Variants in NEBL observed in about 807,000 individuals in gnomAD.
The protein encoded by NEBL is LIM and SH3 protein 2.
In NEBL, 122 loss-of-function variants were observed where a neutral mutation model predicts 140.2. That is an observed-to-expected ratio of 0.87 (90% confidence interval 0.75 to 1.01). The LOEUF (loss-of-function observed/expected upper bound fraction) is 1.01, where lower values mean the gene tolerates loss of function less well. Among genes scored for constraint, NEBL ranks in the 50% least tolerant of loss-of-function variants. NEBL has a pLI of 0.00. For synonymous variants in NEBL, 436 were observed against 398.9 expected (o/e 1.09, Z -1.11); for missense variants, 1,365 against 1,231.3 (o/e 1.11, Z -1.62).
At chr10:20,847,460 T>C (rs1367191013) in intron 11 of NEBL, among the ~76,000 whole-genome samples, 1 of 152,200 alleles carries the variant, frequency 6.6e-6, no homozygotes, top group Admixed American at 6.5e-5. Context: ...TACAGAAACA[T>C]AGTATTTGAA....
At chr10:21,137,745 C>T (rs777866617) in intron 2 of NEBL, among the ~76,000 whole-genome samples, 2 of 151,742 alleles carry the variant, frequency 1.3e-5, no homozygotes, top group Admixed American at 6.6e-5. Flanking sequence ...CCAGCCTGGG[C>T]AACATAGTGA....
At position 20,959,790 on chromosome 10, in the gene NEBL, A is replaced by T. The variant is rs538766849; in HGVS notation, c.357+1882T>A. On this transcript the variant is annotated intron_variant, in intron 4 of 6. Coordinates refer to the NEBL transcript ENST00000417816. Reference sequence around the variant, plus strand: ...AGACATCGCAAAAAGTTTTTTTTTTAAAAAAAGATGTTGTCTAAGTTACAT... The same window carrying T: ...AGACATCGCAAAAAGTTTTTTTTTTTAAAAAAGATGTTGTCTAAGTTACAT... 1.4e-3 allele frequency among the ~76,000 whole-genome samples: 213 copies of T among 151,664 alleles called. 2 individuals are homozygous for T. The highest frequency in any genetic ancestry group is 2.3e-3 in the Non-Finnish European group (158 of 67,762).
intron 3 of NEBL, among the ~76,000 whole-genome samples, chr10:21,017,056 G>A (rs1468893794): frequency 6.6e-6 from 1 of 152,158 alleles, no homozygotes; most frequent in East Asian, 1.9e-4. Flanking sequence ...CCAGGGTACT[G>A]GTGAAAAGTG....
At chr10:21,228,404 T>G (rs1842201330) in intron 3 of NEBL, among the ~76,000 whole-genome samples, 1 of 152,188 alleles carries the variant, frequency 6.6e-6, no homozygotes, top group South Asian at 2.1e-4. Flanking sequence ...TCCTCTCGCC[T>G]CAGCCTTCCA....
chr10:20,885,305 G>A (rs1461536327), intron 4 of NEBL, among the ~76,000 whole-genome samples: 2 of 152,110 alleles, frequency 1.3e-5, no homozygotes, highest in Admixed American at 6.6e-5. Context: ...TAATAAAATC[G>A]ATGTACGTAA....
At chr10:21,006,515 T>C (rs1024125206) in intron 3 of NEBL, among the ~76,000 whole-genome samples, 2 of 152,244 alleles carry the variant, frequency 1.3e-5, no homozygotes, top group African/African-American at 2.4e-5. Context: ...CAACCAGTCC[T>C]TCTTCCCTGT....
intron 2 of NEBL, among the ~76,000 whole-genome samples, chr10:21,141,216 T>C (rs1839617778): frequency 6.6e-6 from 1 of 152,218 alleles, no homozygotes; most frequent in Non-Finnish European, 1.5e-5. Context: ...TTGTTTCATT[T>C]AGTGAAATCT....
chr10:21,153,087 G>T (rs4747433), intron 2 of NEBL, among the ~76,000 whole-genome samples: 1 of 152,128 alleles, frequency 6.6e-6, no homozygotes, highest in African/African-American at 2.4e-5. Context: ...TGCAATGACC[G>T]TGAAAATAGG....
At chr10:21,111,929 G>A (rs1184376273) in intron 2 of NEBL, among the ~76,000 whole-genome samples, 1 of 152,142 alleles carries the variant, frequency 6.6e-6, no homozygotes, top group African/African-American at 2.4e-5. Context: ...AAGTGGGAAA[G>A]GATATGAACA....
chr10:20,819,768 AGGCTGGAGTGCAGT>A (rs1398273341), intron 19 of NEBL, among the ~76,000 whole-genome samples: 6 of 152,070 alleles, frequency 3.9e-5, no homozygotes, highest in African/African-American at 1.4e-4. Flanking sequence ...TCCGTTGTCC[AGGCTGGAGTGCAGT>A]GGCGTCATCA....
intron 3 of NEBL, among the ~76,000 whole-genome samples, chr10:21,001,669 T>C (rs866004617): frequency 6.6e-6 from 1 of 152,066 alleles, no homozygotes; most frequent in Non-Finnish European, 1.5e-5. Flanking sequence ...ATGCCTAGTG[T>C]TCCATCATTG....
In NEBL at chr10:20,919,536, A is replaced by G. The variant is rs111457062; in HGVS notation, c.357+42136T>C. 5.7e-3 allele frequency among the ~76,000 whole-genome samples: 871 copies of G among 152,374 alleles called. 8 individuals are homozygous for G. Among genetic ancestry groups the G allele is most frequent in the African/African-American group, 0.018 (764 of 41,586 alleles). On this transcript the variant is annotated intron_variant, in intron 4 of 6. Coordinates refer to the NEBL transcript ENST00000417816. Reference sequence around the variant, plus strand: ...GAAACATTAACCGATAGAATGAGATAAACAGTCCAGAGATAGACCCATGTC... The same window carrying G: ...GAAACATTAACCGATAGAATGAGATGAACAGTCCAGAGATAGACCCATGTC...
intron 2 of NEBL, among the ~76,000 whole-genome samples, chr10:21,144,066 T>A (rs1166720040): frequency 6.6e-6 from 1 of 152,206 alleles, no homozygotes; most frequent in African/African-American, 2.4e-5. Flanking sequence ...AATAGTTATG[T>A]TCTCTGGTCT....
intron 3 of NEBL, among the ~76,000 whole-genome samples, chr10:21,197,815 AG>A (rs1307699757): frequency 6.6e-6 from 1 of 152,166 alleles, no homozygotes; most frequent in African/African-American, 2.4e-5. Context: ...CTGGTCTTTG[AG>A]ACCCCATGAG....
rs1841172694 is a variant in NEBL at position 21,173,450 on chromosome 10, C to T, written c.69+315G>A. Reference sequence around the variant, plus strand: ...GGAGGGGGCGCGGCTCGCCGAAGTGCCCCCCTGGGTGCCCAGCCTGGTCCC... The same window carrying T: ...GGAGGGGGCGCGGCTCGCCGAAGTGTCCCCCTGGGTGCCCAGCCTGGTCCC... On this transcript the variant is annotated intron_variant, in intron 1 of 6. Transcript: ENST00000417816. The surrounding 1 kb of genome is among the most constrained non-coding windows in gnomAD (Gnocchi z 5.7). Among the ~76,000 whole-genome samples the T allele has an allele frequency of 6.6e-6, 1 of 151,346 alleles. No individual in the cohort carries two copies. The highest frequency in any genetic ancestry group is 2.4e-5 in the African/African-American group (1 of 41,382).
At chr10:20,930,366 C>T (rs1044118219) in intron 4 of NEBL, among the ~76,000 whole-genome samples, 1 of 152,172 alleles carries the variant, frequency 6.6e-6, no homozygotes, top group African/African-American at 2.4e-5. Flanking sequence ...TTTCTATGGC[C>T]ACCAGCTTAG....
intron 3 of NEBL, among the ~76,000 whole-genome samples, chr10:21,009,184 G>A (rs1481389454): frequency 3.3e-5 from 5 of 152,116 alleles, no homozygotes; most frequent in African/African-American, 9.7e-5. Flanking sequence ...AAAAGAATCA[G>A]TATTGAGGCT....
At chr10:21,203,375 T>C (rs867350354) in intron 3 of NEBL, among the ~76,000 whole-genome samples, 1 of 152,206 alleles carries the variant, frequency 6.6e-6, no homozygotes. Flanking sequence ...TATAAGTTAG[T>C]GTAAAAAAGA....
chr10:21,237,177 C>CT (rs1185394584), intron 3 of NEBL, among the ~76,000 whole-genome samples: 3 of 152,148 alleles, frequency 2.0e-5, no homozygotes, highest in South Asian at 2.1e-4. Context: ...TGACATCTTT[C>CT]TTTTTTTGTT....
Sources: gnomAD v4.1 joint callset for allele counts (sites outside exome capture counted in the v4.1 genomes callset) on GRCh38, gnomAD v4.1.1 for gene constraint, Gnocchi (gnomAD v3.1) non-coding constraint, MANE v1.5 for transcripts, NCBI Gene and HGNC (gene_info 2026-07-23, HGNC 2026-07-21) for gene names.